Variants in CDH10 observed in about 807,000 individuals in gnomAD.
CDH10 encodes cadherin 10, also known as cadherin-10.
Under a neutral mutation model 73.1 loss-of-function variants are expected in CDH10, and 30 were observed. The observed-to-expected ratio is 0.41, with a 90% confidence interval of 0.31 to 0.56. CDH10 has a LOEUF of 0.56. Among genes scored for constraint, CDH10 ranks in the 20% least tolerant of loss-of-function variants. The pLI is 0.27. For missense variants in CDH10, 815 were observed against 973.7 expected, an observed-to-expected ratio of 0.84 and a Z score of 2.17; for synonymous variants, 345 against 348.2, an observed-to-expected ratio of 0.99 and a Z score of 0.10.
chr5:24,639,374 C>T (rs1747969201), intron 1 of CDH10, among the ~76,000 whole-genome samples: 1 of 151,550 alleles, frequency 6.6e-6, no homozygotes, highest in East Asian at 1.9e-4. Context: ...AAATTTACTC[C>T]AAATTTTCCA....
intron 5 of CDH10, among the ~76,000 whole-genome samples, 184 bp downstream of exon 5, chr5:24,534,928 T>C (rs1446704242): frequency 6.6e-6 from 1 of 152,150 alleles, no homozygotes; most frequent in Non-Finnish European, 1.5e-5. Flanking sequence ...TAATATTCAA[T>C]TTTATCTTTT....
intron 1 of CDH10, among the ~76,000 whole-genome samples, chr5:24,603,030 T>C (rs1236106044): frequency 1.3e-5 from 2 of 152,184 alleles, no homozygotes; most frequent in African/African-American, 4.8e-5. Flanking sequence ...AGTGGCTTTG[T>C]CTGATAATGA....
At chr5:24,543,451 T>C (rs1744227780) in intron 2 of CDH10, among the ~76,000 whole-genome samples, 1 of 152,182 alleles carries the variant, frequency 6.6e-6, no homozygotes, top group Non-Finnish European at 1.5e-5. Context: ...AGTTTTTACA[T>C]ACATTAACCT....
intron 1 of CDH10, chr5:24,613,083 A>T (rs1747003790): frequency 6.6e-6 from 1 of 152,060 alleles, no homozygotes; most frequent in African/African-American, 2.4e-5. Flanking sequence ...TATAGAAAAA[A>T]ATGTTAAATA....
chr5:24,527,176 A>G (rs1743562762), intron 5 of CDH10, among the ~76,000 whole-genome samples: 1 of 149,702 alleles, frequency 6.7e-6, no homozygotes, highest in African/African-American at 2.4e-5. Flanking sequence ...ATGTATAAGT[A>G]TATATAATCA....
intron 2 of CDH10, among the ~76,000 whole-genome samples, chr5:24,543,539 G>A (rs1744232313): frequency 6.6e-6 from 1 of 151,946 alleles, no homozygotes; most frequent in Non-Finnish European, 1.5e-5. Flanking sequence ...AACAGCCAAG[G>A]TATTTTATAT....
intron 1 of CDH10, among the ~76,000 whole-genome samples, chr5:24,617,019 T>C (rs962231026): frequency 6.6e-6 from 1 of 152,186 alleles, no homozygotes; most frequent in African/African-American, 2.4e-5. Flanking sequence ...CAAAAATCTT[T>C]GCATCAGTTA....
At chr5:24,640,278 A>G (rs1293185332) in intron 1 of CDH10, among the ~76,000 whole-genome samples, 2 of 151,614 alleles carry the variant, frequency 1.3e-5, no homozygotes, top group Non-Finnish European at 3.0e-5. Flanking sequence ...AGATGGAAAT[A>G]GATATAGATT....
intron 1 of CDH10, among the ~76,000 whole-genome samples, chr5:24,643,214 C>T (rs575301300): frequency 6.6e-6 from 1 of 152,184 alleles, no homozygotes; most frequent in Admixed American, 6.6e-5. Context: ...TGCGACTTAG[C>T]ATTTACCTGT....
chr5:24,525,376 A>AT (rs1220736283), intron 5 of CDH10, among the ~76,000 whole-genome samples: 1 of 151,998 alleles, frequency 6.6e-6, no homozygotes, highest in Non-Finnish European at 1.5e-5. Flanking sequence ...CTTTAGCTTA[A>AT]TTTTTTTATT....
intron 5 of CDH10, among the ~76,000 whole-genome samples, chr5:24,523,300 T>G (rs1012760411): frequency 3.3e-5 from 5 of 152,162 alleles, no homozygotes; most frequent in African/African-American, 9.6e-5. Flanking sequence ...CTGTGAGAAT[T>G]AGAGCTATAG....
At chr5:24,526,401 T>C (rs1234933924) in intron 5 of CDH10, among the ~76,000 whole-genome samples, 3 of 151,966 alleles carry the variant, frequency 2.0e-5, no homozygotes, top group African/African-American at 7.2e-5. Flanking sequence ...ACATTTAGCC[T>C]AGCTGATATT....
chr5:24,513,744 A>G (rs1484260063), intron 5 of CDH10, among the ~76,000 whole-genome samples: 2 of 152,050 alleles, frequency 1.3e-5, no homozygotes, highest in Non-Finnish European at 2.9e-5. Context: ...CTCTCAATTC[A>G]TTACTTTGCT....
chr5:24,566,660 CA>C (rs1396155314), intron 2 of CDH10, among the ~76,000 whole-genome samples: 1 of 151,482 alleles, frequency 6.6e-6, no homozygotes, highest in African/African-American at 2.4e-5. Context: ...ATATGGTAAA[CA>C]AACAAAAAAA....
chr5:24,577,016 A>G (rs1001411756), intron 2 of CDH10, among the ~76,000 whole-genome samples: 1 of 151,946 alleles, frequency 6.6e-6, no homozygotes, highest in African/African-American at 2.4e-5. Flanking sequence ...TAAAAAAAAA[A>G]AACCCAAACT....
chr5:24,504,489 G>T (rs1742610542), intron 8 of CDH10, among the ~76,000 whole-genome samples: 1 of 89,064 alleles, frequency 1.1e-5, no homozygotes, highest in Non-Finnish European at 2.4e-5. Context: ...TATATTAAAT[G>T]CTTTTCTCCT....
intron 3 of CDH10, 67 bp from the exon 4 acceptor site, chr5:24,535,889 A>T (rs1184312909): frequency 3.3e-6 from 4 of 1,218,998 alleles, no homozygotes; most frequent in Non-Finnish European, 4.5e-6. Context: ...ACTGGTTTTC[A>T]TTGAAGACTT....
At chr5:24,495,462 T>C (rs1316986873) in intron 9 of CDH10, among the ~76,000 whole-genome samples, 1 of 152,160 alleles carries the variant, frequency 6.6e-6, no homozygotes, top group African/African-American at 2.4e-5. Flanking sequence ...TATTTAAAGT[T>C]AGAAAACTGG....
intron 1 of CDH10, among the ~76,000 whole-genome samples, chr5:24,626,531 A>G (rs1250627835): frequency 6.6e-6 from 1 of 152,118 alleles, no homozygotes; most frequent in Non-Finnish European, 1.5e-5. Context: ...AAAGTTTTCC[A>G]AAGTCATACA....
Sources: gnomAD v4.1 joint callset for allele counts (sites outside exome capture counted in the v4.1 genomes callset) on GRCh38, gnomAD v4.1.1 for gene constraint, MANE v1.5 for transcripts, NCBI Gene and HGNC (gene_info 2026-07-23, HGNC 2026-07-21) for gene names.